CIT: variants seen among roughly 807,000 people sequenced by gnomAD.
The protein encoded by CIT is citron Rho-interacting kinase.
CIT carries 79 observed loss-of-function variants against 272.7 expected under a neutral mutation model. The observed-to-expected ratio is 0.29, with a 90% CI of 0.24 to 0.35. CIT has a LOEUF of 0.35. CIT is among the 10% of genes least tolerant of loss of function. The pLI, the probability that CIT is intolerant of heterozygous loss-of-function variation, is 1.00. For synonymous variants in CIT, 948 were observed against 995.6 expected, an observed-to-expected ratio of 0.95 and a Z score of 0.90; for missense variants, 1,909 against 2,618.3, an observed-to-expected ratio of 0.73 and a Z score of 5.91.
rs60611060 is a variant in CIT, at chr12:119,717,419, C to CT, written c.4168+825dup. 8.2e-3 allele frequency among the ~76,000 whole-genome samples: 443 copies of CT among 54,230 alleles called. 4 individuals carry two copies. The highest frequency in any genetic ancestry group is 0.048 in the South Asian group (72 of 1,498). The allele number at this position is 54,230 out of a possible 152,430, so 35.6% of individuals were successfully genotyped here. ...TTCATATTCTTTTTTCTTTTCTTTT[C>CT]TTTTTTTTTTTTTTTTTTTGAGATG... On this transcript the variant is annotated intron_variant, in intron 32 of 47. Transcript: ENST00000392521.
At chr12:119,760,695 G>A (rs573549556) in intron 20 of CIT, among the ~76,000 whole-genome samples, 3 of 151,130 alleles carry the variant, frequency 2.0e-5, no homozygotes, top group Non-Finnish European at 4.4e-5. Flanking sequence ...TAGAAGGACA[G>A]TATTTTAGCA....
intron 7 of CIT, among the ~76,000 whole-genome samples, chr12:119,832,497 A>G (rs899635454): frequency 6.6e-6 from 1 of 152,252 alleles, no homozygotes; most frequent in Non-Finnish European, 1.5e-5. Flanking sequence ...ACAGGCAAGG[A>G]AAATGAAGAG....
At chr12:119,696,509 A>G (rs544221245) in intron 46 of CIT, among the ~76,000 whole-genome samples, 51 of 152,118 alleles carry the variant, frequency 3.4e-4, no homozygotes, top group Non-Finnish European at 6.0e-4. Flanking sequence ...TTACTCTGAA[A>G]TTCTGGAAGT....
chr12:119,754,301 T>C (rs1342949787), intron 22 of CIT, among the ~76,000 whole-genome samples: 1 of 152,192 alleles, frequency 6.6e-6, no homozygotes, highest in Non-Finnish European at 1.5e-5. Flanking sequence ...CAAGAGTCCA[T>C]GTAACATGTT....
chr12:119,745,641 T>C (rs1959274833), intron 23 of CIT, among the ~76,000 whole-genome samples: 1 of 152,026 alleles, frequency 6.6e-6, no homozygotes, highest in Non-Finnish European at 1.5e-5. Context: ...ATAGATTAGT[T>C]GCTGAAAATA....
At chr12:119,857,796 C>T (rs1950216817) in intron 3 of CIT, 98 bp from the exon 4 acceptor site, 1 of 1,058,012 alleles carries the variant, frequency 9.5e-7, no homozygotes. Flanking sequence ...ATTCGGATAG[C>T]TTCCCTCACT....
At chr12:119,855,651 T>G (rs973749877) in intron 4 of CIT, among the ~76,000 whole-genome samples, 2 of 152,114 alleles carry the variant, frequency 1.3e-5, no homozygotes, top group Admixed American at 6.6e-5. Flanking sequence ...ACTTTTCTTT[T>G]CTATGCATCC....
At chr12:119,834,467 G>A (rs1034874518) in intron 5 of CIT, among the ~76,000 whole-genome samples, 16 of 152,196 alleles carry the variant, frequency 1.1e-4, no homozygotes, top group African/African-American at 3.9e-4. Flanking sequence ...CACAGTGTTT[G>A]CAAGGCAAGC....
intron 22 of CIT, among the ~76,000 whole-genome samples, chr12:119,753,217 C>A (rs1233181178): frequency 1.3e-5 from 2 of 152,124 alleles, no homozygotes; most frequent in African/African-American, 4.8e-5. Flanking sequence ...CCAAGAAGAA[C>A]ACACTGCGAT....
chr12:119,811,713 T>C (rs192865921), intron 9 of CIT, among the ~76,000 whole-genome samples: 3 of 152,346 alleles, frequency 2.0e-5, no homozygotes, highest in South Asian at 2.1e-4. Context: ...TTAGAGATGC[T>C]TTCCCTCACT....
At chr12:119,860,203 G>A (rs929250429) in intron 3 of CIT, among the ~76,000 whole-genome samples, 2 of 152,096 alleles carry the variant, frequency 1.3e-5, no homozygotes, top group Non-Finnish European at 1.5e-5. Context: ...TATAATGAGT[G>A]CCGCGGTATT....
chr12:119,698,301 T>C (rs549231520), intron 44 of CIT: 40 of 490,618 alleles, frequency 8.2e-5, no homozygotes, highest in Admixed American at 6.1e-4. Flanking sequence ...TACATTATAA[T>C]ACATCTGGCT....
chr12:119,802,511 GT>G (rs998520838), intron 10 of CIT, among the ~76,000 whole-genome samples: 6 of 151,954 alleles, frequency 3.9e-5, no homozygotes, highest in African/African-American at 1.5e-4. Flanking sequence ...TAGTCTCCTG[GT>G]TTTTTTTCCC....
At chr12:119,819,333 C>T (rs1967483080) in intron 9 of CIT, among the ~76,000 whole-genome samples, 1 of 152,106 alleles carries the variant, frequency 6.6e-6, no homozygotes, top group African/African-American at 2.4e-5. Flanking sequence ...GTGCTGCCTG[C>T]AGCAACCCCA....
intron 4 of CIT, among the ~76,000 whole-genome samples, chr12:119,855,990 G>C (rs1403801375): frequency 6.6e-6 from 1 of 152,194 alleles, no homozygotes; most frequent in Non-Finnish European, 1.5e-5. Context: ...GGGAGGCTGA[G>C]TGAGCATCTT....
At position 119,770,680 on chromosome 12, in the gene CIT, G is replaced by A. The variant is rs904632192; in HGVS notation, c.2208+105C>T. 3.0e-6 allele frequency: 4 copies of A among 1,330,212 alleles called. No individual in the cohort carries two copies. The highest frequency in any genetic ancestry group is 1.4e-5 in the African/African-American group (1 of 68,970). The allele number at this position is 1,330,212 out of a possible 1,614,324, so 82.4% of individuals were successfully genotyped here. A position where few individuals can be genotyped will look rare whatever the true frequency, so the allele number is the denominator to read the frequency against. On this transcript the variant is annotated intron_variant, in intron 18 of 47. Coordinates refer to ENST00000392521, the MANE Select transcript of CIT (RefSeq NM_001206999.2). The surrounding 1 kb of genome is among the most constrained non-coding windows in gnomAD (Gnocchi z 4.4). ...ACCACCTCACTCAATTCATCTACTT[G>A]GAGATACCTCCCTTATTGTGGCGGT...
chr12:119,789,199 G>A (rs1432136076), intron 10 of CIT, among the ~76,000 whole-genome samples: 3 of 152,330 alleles, frequency 2.0e-5, no homozygotes, highest in Admixed American at 1.3e-4. Context: ...CTGAGTGATT[G>A]TAATGTACAG....
intron 10 of CIT, among the ~76,000 whole-genome samples, chr12:119,794,799 G>A (rs940082691): frequency 6.6e-6 from 1 of 152,120 alleles, no homozygotes; most frequent in South Asian, 2.1e-4. Flanking sequence ...ACCCATCCTC[G>A]GACCTAAATA....
At chr12:119,774,851 G>A (rs896962054) in intron 16 of CIT, among the ~76,000 whole-genome samples, 1 of 152,126 alleles carries the variant, frequency 6.6e-6, no homozygotes, top group African/African-American at 2.4e-5. Context: ...GTGCACACCT[G>A]TAGTCCCAGC....
Sources: gnomAD v4.1 joint callset for allele counts (sites outside exome capture counted in the v4.1 genomes callset) on GRCh38, gnomAD v4.1.1 for gene constraint, Gnocchi (gnomAD v3.1) non-coding constraint, MANE v1.5 for transcripts, NCBI Gene and HGNC (gene_info 2026-07-23, HGNC 2026-07-21) for gene names.